GRIN2D: variants seen among roughly 807,000 people sequenced by gnomAD.
GRIN2D encodes the protein glutamate ionotropic receptor NMDA type subunit 2D, also known as glutamate receptor ionotropic, NMDA 2D.
Under a neutral mutation model 103.2 loss-of-function variants are expected in GRIN2D, and 37 were observed. The observed-to-expected ratio is 0.36, with a 90% CI of 0.28 to 0.47. GRIN2D has a LOEUF of 0.47. Ranked by LOEUF, GRIN2D falls within the 20% of genes least tolerant of loss-of-function variation. The pLI, the probability that GRIN2D is intolerant of heterozygous loss-of-function variation, is 1.00. For missense variants in GRIN2D, 1,557 were observed against 1,910.6 expected, an observed-to-expected ratio of 0.81 and a Z score of 3.45; for synonymous variants, 845 against 885.6, an observed-to-expected ratio of 0.95 and a Z score of 0.81.
Position 48,443,339 on chromosome 19 carries a change from CT to C in GRIN2D, c.3415del (p.Tyr1139ThrfsTer379). The C allele has an allele frequency of 6.5e-7, 1 of 1,536,132 alleles. No individual in the cohort carries two copies. Among genetic ancestry groups the C allele is most frequent in the Non-Finnish European group, 8.7e-7 (1 of 1,151,688 alleles). ...GAGCCCTGGTGGTTCGCCGACTTCC[CT>C]TACCCGTATGCCGAGCGCCTCGGGC... ...GLEPWWFADF[P>X]YPYAERLGPP... is the part of the protein sequence containing the mutation. On this transcript the variant is annotated frameshift_variant, in exon 14 of 14. Coordinates refer to ENST00000263269, the MANE Select transcript of GRIN2D (RefSeq NM_000836.4). LOFTEE classifies it high-confidence loss of function. The surrounding 1 kb of genome is among the most constrained non-coding windows in gnomAD (Gnocchi z 8.9).
At chr19:48,438,749 T>G (rs1971260531) in intron 11 of GRIN2D, among the ~76,000 whole-genome samples, 1 of 151,920 alleles carries the variant, frequency 6.6e-6, no homozygotes, top group African/African-American at 2.4e-5. Flanking sequence ...GAACTCATAT[T>G]CTATATAGGA....
intron 11 of GRIN2D, among the ~76,000 whole-genome samples, chr19:48,439,225 A>AAAAC (rs954114459): frequency 6.6e-6 from 1 of 150,690 alleles, no homozygotes; most frequent in Non-Finnish European, 1.5e-5. Flanking sequence ...CCCATCTCTA[A>AAAAC]AAACAAACAA....
In GRIN2D at chr19:48,398,355, C is replaced by A. The variant is rs1352594989; in HGVS notation, c.-26-12C>A. On this transcript the variant is annotated splice_polypyrimidine_tract_variant and intron_variant, in intron 2 of 13. Transcript: ENST00000263269. ...CCCTCTCCTCCCCGTCTCTCCCGGC[C>A]CGGGCGCTCAGAGGCCGCCCGGCGG... 12 of 1,084,792 alleles carry A rather than the reference C, an allele frequency of 1.1e-5. No homozygotes were observed. The highest frequency in any genetic ancestry group is 1.2e-5 in the Non-Finnish European group (11 of 889,844). The allele number at this position is 1,084,792 out of a possible 1,614,324, so 67.2% of individuals were successfully genotyped here.
chr19:48,398,945 C>T (rs1186119810), intron 3 of GRIN2D, 88 bp downstream of exon 3: 31 of 1,146,668 alleles, frequency 2.7e-5, no homozygotes, highest in Non-Finnish European at 3.4e-5. Flanking sequence ...GGGGGCGGGG[C>T]CTAGAGGGGG....
chr19:48,418,431 T>G (rs1243276636), intron 8 of GRIN2D, among the ~76,000 whole-genome samples: 1 of 151,498 alleles, frequency 6.6e-6, no homozygotes, highest in African/African-American at 2.4e-5. Context: ...GTCCTGGGGG[T>G]GCTAGGGAGC....
At chr19:48,432,783 T>A (rs1454844469) in intron 11 of GRIN2D, among the ~76,000 whole-genome samples, 1 of 151,386 alleles carries the variant, frequency 6.6e-6, no homozygotes, top group Non-Finnish European at 1.5e-5. Context: ...CTTTTTTTTT[T>A]TTTTTATTTC....
At position 48,404,921 on chromosome 19, in the gene GRIN2D, G is replaced by A; in HGVS notation, c.653G>A (p.Arg218His). ...GGTAGTCTGGTGGGCTGGGAGCACC[G>A]CGGAGCGCTGACGCTGGACCCTGGG... ...TDGSLVGWEH[R>H]GALTLDPGAG... The change falls in exon 4 of 14, where the codon CGC (arginine) becomes CAC (histidine). Residue 218 changes from arginine (R) to histidine (H), a missense_variant. Physicochemically the swap from Arg to His is conservative, Grantham distance 29 (BLOSUM62 0). This residue lies in a region of GRIN2D where 490 missense variants were observed against 601.1 expected (regional missense o/e 0.82). Transcript: ENST00000263269. 1.2e-6 allele frequency: 2 copies of A among 1,613,778 alleles called. No individual in the cohort carries two copies. The highest frequency in any genetic ancestry group is 1.7e-6 in the Non-Finnish European group (2 of 1,179,976).
chr19:48,415,480 G>A (rs1182469543), intron 7 of GRIN2D, among the ~76,000 whole-genome samples: 1 of 150,168 alleles, frequency 6.7e-6, no homozygotes, highest in East Asian at 2.0e-4. Context: ...GACATGCCTT[G>A]GAACAGGGGG....
chr19:48,439,954 G>A (rs1434187273), intron 11 of GRIN2D, among the ~76,000 whole-genome samples: 7 of 152,014 alleles, frequency 4.6e-5, no homozygotes, highest in Non-Finnish European at 1.0e-4. Flanking sequence ...GCTCACGCCT[G>A]TAATCCCAGC....
At chr19:48,410,474 G>A (rs1451969691) in intron 4 of GRIN2D, among the ~76,000 whole-genome samples, 1 of 141,582 alleles carries the variant, frequency 7.1e-6, no homozygotes, top group Non-Finnish European at 1.5e-5. Flanking sequence ...GTTGCAGTGA[G>A]CTGAGATCGT....
intron 7 of GRIN2D, 123 bp downstream of exon 7, chr19:48,415,155 G>C: frequency 1.1e-6 from 1 of 883,418 alleles, no homozygotes; most frequent in South Asian, 1.7e-5. Flanking sequence ...CGAATTGCCT[G>C]AGCTCAGGGG....
rs747902420 is a variant in GRIN2D at position 48,443,277 on chromosome 19, C to G, written c.3351C>G (p.Asp1117Glu). The G allele has an allele frequency of 3.9e-6, 6 of 1,536,086 alleles. No individual in the cohort carries two copies. The African/African-American group carries it at 8.6e-5, about 22-fold the overall frequency. ...DLEPSPSDSE[D>E]SESLGGASLG... ...AGCCGTCGCCGTCGGACTCGGAGGA[C>G]TCGGAGAGCCTGGGCGGCGCGTCGC... Residue 1117 changes from aspartate to glutamate, a missense_variant, in exon 14 of 14, where the codon GAC becomes GAG. By Grantham distance (45) the Asp-to-Glu change is conservative. Transcript: ENST00000263269. This position sits in a 1 kb window ranked among gnomAD's most constrained non-coding sequence, Gnocchi z 8.9.
Position 48,443,285 on chromosome 19 carries a change from G to T in GRIN2D, c.3359G>T (p.Ser1120Ile). 1 of 1,539,410 alleles carries T rather than the reference G, an allele frequency of 6.5e-7. No individual in the cohort carries two copies. Among genetic ancestry groups the T allele is most frequent in the Admixed American group, 1.9e-5 (1 of 53,652 alleles). The change falls in exon 14 of 14, where the codon AGC (serine) becomes ATC (isoleucine). Residue 1120 changes from serine to isoleucine, a missense_variant. This residue lies in a region of GRIN2D where 632 missense variants were observed against 572.8 expected (regional missense o/e 1.10). Coordinates refer to ENST00000263269, the MANE Select transcript of GRIN2D (RefSeq NM_000836.4). The surrounding 1 kb of genome is among the most constrained non-coding windows in gnomAD (Gnocchi z 8.9). ...CCGTCGGACTCGGAGGACTCGGAGA[G>T]CCTGGGCGGCGCGTCGCTGGGCGGC... The part of the protein sequence containing the change: ...PSPSDSEDSE[S>I]LGGASLGGLE...
rs1419788510 is a variant in GRIN2D, at chr19:48,421,652, G to T, written c.2092-133G>T. On this transcript the variant is annotated intron_variant, in intron 10 of 13. Coordinates refer to ENST00000263269, the MANE Select transcript of GRIN2D (RefSeq NM_000836.4). This position sits in a 1 kb window ranked among gnomAD's most constrained non-coding sequence, Gnocchi z 4.8. Reference sequence around the variant, plus strand: ...GGAAAAGCATTCCCTAATGTAGTGAGCGAGTGTTGAGAAATATTGAACACT... The same window carrying T: ...GGAAAAGCATTCCCTAATGTAGTGATCGAGTGTTGAGAAATATTGAACACT... 6 of 696,754 alleles carry T rather than the reference G, an allele frequency of 8.6e-6. No homozygotes were observed. In the African/African-American group the frequency reaches 1.1e-4, roughly 13 times the overall value. 43.2% of individuals were successfully genotyped at this position (696,754 alleles called of 1,614,324 possible). A position where few individuals can be genotyped will look rare whatever the true frequency, so the allele number is the denominator to read the frequency against.
chr19:48,405,873 G>A lies in GRIN2D; in HGVS notation c.1085+520G>A, dbSNP rs1970786400. Among the ~76,000 whole-genome samples, 1 of 152,146 alleles carries A rather than the reference G, an allele frequency of 6.6e-6. No individual in the cohort carries two copies. The highest frequency in any genetic ancestry group is 2.1e-4 in the South Asian group (1 of 4,828). The stretch of plus-strand genomic sequence containing the variant: ...CAGGGACCCAGGATTCTCCCACACT[G>A]TTACTCTGGCATCTCTGCATGGTCG... On this transcript the variant is annotated intron_variant, in intron 4 of 13. Transcript: ENST00000263269. This position sits in a 1 kb window ranked among gnomAD's most constrained non-coding sequence, Gnocchi z 5.1.
At position 48,405,055 on chromosome 19, in the gene GRIN2D, G is replaced by T. The variant is rs1441639112; in HGVS notation, c.787G>T (p.Ala263Ser). The T allele has an allele frequency of 4.4e-6, 7 of 1,608,270 alleles. No individual in the cohort carries two copies. The highest frequency in any genetic ancestry group is 5.9e-6 in the Non-Finnish European group (7 of 1,177,282). The change falls in exon 4 of 14, where the codon GCT (alanine) becomes TCT (serine). Residue 263 changes from alanine to serine, a missense_variant. Physicochemically the swap from Ala to Ser is moderately conservative, Grantham distance 99 (BLOSUM62 1). Transcript: ENST00000263269. This position sits in a 1 kb window ranked among gnomAD's most constrained non-coding sequence, Gnocchi z 5.1. ...AEPVFRAAEE[A>S]GLTGSGYVWF... ...GCCCGTGTTCCGCGCAGCTGAGGAG[G>T]CTGGCCTCACTGGATCTGGCTACGT...
intron 11 of GRIN2D, among the ~76,000 whole-genome samples, chr19:48,432,222 CT>C (rs1006061692): frequency 5.8e-3 from 798 of 137,582 alleles, no homozygotes; most frequent in Admixed American, 7.3e-3. Flanking sequence ...CTTTTTCTTT[CT>C]TTTTTTTTTT....
chr19:48,414,314 G>A lies in GRIN2D; in HGVS notation c.1201-59G>A. The A allele has an allele frequency of 2.9e-6, 4 of 1,377,934 alleles. No individual in the cohort carries two copies. In the South Asian group the frequency reaches 3.7e-5, roughly 13 times the overall value. The allele number at this position is 1,377,934 out of a possible 1,614,324, so 85.4% of individuals were successfully genotyped here. A position where few individuals can be genotyped will look rare whatever the true frequency, so the allele number is the denominator to read the frequency against. ...AGGTCTGAGGGAAGAGGATCATGGA[G>A]GCCAGGATACACCGGGAAGTCTTCC... On this transcript the variant is annotated intron_variant, in intron 5 of 13. Coordinates refer to ENST00000263269, the MANE Select transcript of GRIN2D (RefSeq NM_000836.4). The surrounding 1 kb of genome is among the most constrained non-coding windows in gnomAD (Gnocchi z 4.6).
At chr19:48,412,809 AAAC>A (rs1280881898) in intron 4 of GRIN2D, among the ~76,000 whole-genome samples, 1 of 147,576 alleles carries the variant, frequency 6.8e-6, no homozygotes, top group African/African-American at 2.5e-5. Context: ...AAACAAAAAC[AAAC>A]AAAAAACCAC....
Sources: allele counts gnomAD v4.1 joint callset (sites outside exome capture counted in the v4.1 genomes callset), GRCh38; gene constraint gnomAD v4.1.1; regional missense constraint gnomAD v4.1.1; non-coding constraint Gnocchi (gnomAD v3.1); transcripts MANE v1.5; gene names NCBI Gene and HGNC (gene_info 2026-07-23, HGNC 2026-07-21).